The following TET2 variants were observed in gnomAD, a reference collection of about 807,000 sequenced individuals.
The protein encoded by TET2 is methylcytosine dioxygenase TET2.
TET2 carries 299 observed loss-of-function variants against 142.9 expected under a neutral mutation model. The ratio of observed to expected loss-of-function variants is 2.09; its 90% CI spans 1.90 to 2.30. TET2 has a LOEUF of 2.30. TET2 is among the 30% of genes most tolerant of loss of function. TET2 has a pLI of 0.00. For synonymous variants in TET2, 819 were observed against 849.0 expected, an observed-to-expected ratio of 0.96 and a Z score of 0.61; for missense variants, 2,418 against 2,378.0, an observed-to-expected ratio of 1.02 and a Z score of -0.35.
chr4:105,185,028 T>C (rs1452094673), intron 1 of TET2, among the ~76,000 whole-genome samples: 6 of 152,214 alleles, frequency 3.9e-5, no homozygotes, highest in Non-Finnish European at 8.8e-5. Context: ...CGGAAGTGTT[T>C]GATGATGTTT....
intron 2 of TET2, among the ~76,000 whole-genome samples, chr4:105,209,078 T>TATATATATAC: frequency 8.2e-6 from 1 of 122,008 alleles, no homozygotes; most frequent in African/African-American, 2.8e-5. Flanking sequence ...TATATATATA[T>TATATATATAC]ATATATATAT....
chr4:105,205,816 T>C (rs1726785197), intron 2 of TET2, among the ~76,000 whole-genome samples: 1 of 152,024 alleles, frequency 6.6e-6, no homozygotes, highest in Non-Finnish European at 1.5e-5. Flanking sequence ...CTATTTTTAG[T>C]AGAGACGGAG....
At chr4:105,186,827 T>C (rs933254756) in intron 1 of TET2, among the ~76,000 whole-genome samples, 11 of 152,190 alleles carry the variant, frequency 7.2e-5, no homozygotes, top group African/African-American at 2.4e-4. Flanking sequence ...TATATAAGCC[T>C]GTGAGTCATC....
Position 105,257,361 on chromosome 4 carries a change from T to G in TET2, c.3804-2258T>G, listed in dbSNP as rs187975676. Reference sequence around the variant, plus strand: ...AGAATATGTTACTGTTTCTGGTGGTTGTTGTTTATTTCTTTTTAACTACTC... The same window carrying G: ...AGAATATGTTACTGTTTCTGGTGGTGGTTGTTTATTTCTTTTTAACTACTC... On this transcript the variant is annotated intron_variant, in intron 6 of 10. Coordinates refer to ENST00000380013, the MANE Select transcript of TET2 (RefSeq NM_001127208.3). Among the ~76,000 whole-genome samples the G allele has an allele frequency of 3.9e-3, 586 of 152,150 alleles. 1 individual carries two copies. Among genetic ancestry groups the G allele is most frequent in the Non-Finnish European group, 6.9e-3 (471 of 67,996 alleles).
At chr4:105,151,860 A>G (rs1723314972) in intron 1 of TET2, among the ~76,000 whole-genome samples, 1 of 152,150 alleles carries the variant, frequency 6.6e-6, no homozygotes, top group South Asian at 2.1e-4. Flanking sequence ...GGATGACCTG[A>G]GGTCAGGAGT....
intron 2 of TET2, among the ~76,000 whole-genome samples, chr4:105,223,834 A>G (rs1000646701): frequency 2.6e-5 from 4 of 152,140 alleles, no homozygotes; most frequent in African/African-American, 9.7e-5. Flanking sequence ...TGACAGAGAG[A>G]TACACAGTGA....
rs564091213 is a variant in TET2, at chr4:105,146,938, T to A, written c.-234T>A. ...GGATTTGTTAGAAAGGAGACCCGAC[T>A]GCAACTGCTGGATTGCTGCAAGGCT... is the stretch of plus-strand genomic sequence containing the variant. On this transcript the variant is annotated 5_prime_UTR_variant, in exon 1 of 11. Coordinates refer to ENST00000380013, the MANE Select transcript of TET2 (RefSeq NM_001127208.3). The A allele has an allele frequency of 6.6e-6, 1 of 152,470 alleles. No homozygotes were observed. The highest frequency in any genetic ancestry group is 2.4e-5 in the African/African-American group (1 of 41,592). 9.4% of individuals were successfully genotyped at this position (152,470 alleles called of 1,614,324 possible). A position where few individuals can be genotyped will look rare whatever the true frequency, so the allele number is the denominator to read the frequency against.
At position 105,170,958 on chromosome 4, in the gene TET2, T is replaced by C. The variant is rs192899544; in HGVS notation, c.-192-19402T>C. Among the ~76,000 whole-genome samples the C allele has an allele frequency of 3.8e-3, 576 of 152,326 alleles. 4 individuals carry two copies. The highest frequency in any genetic ancestry group is 6.0e-3 in the Non-Finnish European group (409 of 68,020). ...GTGTGTCTACCAACTTCCTCCTCCTTCTACACTAGGAGAAATTGCACTGTT... is the reference window on the plus strand; with the variant it reads ...GTGTGTCTACCAACTTCCTCCTCCTCCTACACTAGGAGAAATTGCACTGTT... On this transcript the variant is annotated intron_variant, in intron 1 of 10. Transcript: ENST00000380013.
chr4:105,271,735 AAAAGTTAGTATTTAAAAACCAC>A (rs1560570877), intron 9 of TET2, among the ~76,000 whole-genome samples: 1 of 152,230 alleles, frequency 6.6e-6, no homozygotes, highest in Non-Finnish European at 1.5e-5. Context: ...CTAAATACTA[AAAAGTTAGTATTTAAAAACCAC>A]AAATAATCTT....
At chr4:105,243,088 T>C (rs1193877005) in intron 5 of TET2, among the ~76,000 whole-genome samples, 161 bp downstream of exon 5, 1 of 152,226 alleles carries the variant, frequency 6.6e-6, no homozygotes, top group Non-Finnish European at 1.5e-5. Flanking sequence ...AGAGGCAGAT[T>C]AGTTCTAAAA....
chr4:105,228,783 T>C (rs1202766769), intron 2 of TET2, among the ~76,000 whole-genome samples: 1 of 152,166 alleles, frequency 6.6e-6, no homozygotes, highest in East Asian at 1.9e-4. Flanking sequence ...TTTAGATTTA[T>C]GTCTATGCTC....
chr4:105,155,908 C>G (rs1723542408), intron 1 of TET2, among the ~76,000 whole-genome samples: 1 of 152,124 alleles, frequency 6.6e-6, no homozygotes. Context: ...TTTGACAAGC[C>G]CAAGATAGAT....
intron 1 of TET2, among the ~76,000 whole-genome samples, chr4:105,160,940 T>C (rs1005263532): frequency 6.6e-6 from 1 of 152,126 alleles, no homozygotes; most frequent in Non-Finnish European, 1.5e-5. Context: ...CACGCCCGGC[T>C]AATTTTTGTA....
chr4:105,245,665 C>G (rs1729550874), intron 6 of TET2, among the ~76,000 whole-genome samples: 1 of 152,054 alleles, frequency 6.6e-6, no homozygotes, highest in Non-Finnish European at 1.5e-5. Context: ...ACTCCTCTTG[C>G]TCTTTCTGAA....
At chr4:105,161,941 G>A (rs2110381170) in intron 1 of TET2, among the ~76,000 whole-genome samples, 1 of 152,292 alleles carries the variant, frequency 6.6e-6, no homozygotes, top group Admixed American at 6.5e-5. Flanking sequence ...TGGTGTGTAT[G>A]TGTTTTGAAC....
chr4:105,274,333 C>A (rs1039168589), intron 10 of TET2, among the ~76,000 whole-genome samples: 2 of 152,156 alleles, frequency 1.3e-5, no homozygotes, highest in African/African-American at 4.8e-5. Flanking sequence ...CTGAAAGTTT[C>A]TTTAAAGTGT....
chr4:105,149,122 T>C (rs1465798516), intron 1 of TET2, among the ~76,000 whole-genome samples: 1 of 152,238 alleles, frequency 6.6e-6, no homozygotes. Flanking sequence ...CTATGGTTAA[T>C]TATTCCAGCA....
At chr4:105,192,147 G>A (rs1354410704) in intron 2 of TET2, among the ~76,000 whole-genome samples, 2 of 151,652 alleles carry the variant, frequency 1.3e-5, no homozygotes, top group Non-Finnish European at 2.9e-5. Flanking sequence ...CTTCTTGAAC[G>A]TTAAGCCTGG....
intron 2 of TET2, among the ~76,000 whole-genome samples, chr4:105,218,893 A>G (rs1727649372): frequency 6.6e-6 from 1 of 151,942 alleles, no homozygotes; most frequent in Non-Finnish European, 1.5e-5. Flanking sequence ...CTATTTTGAT[A>G]ATCTAAAACA....
Sources: allele counts gnomAD v4.1 joint callset (sites outside exome capture counted in the v4.1 genomes callset), GRCh38; gene constraint gnomAD v4.1.1; transcripts MANE v1.5; gene names NCBI Gene and HGNC (gene_info 2026-07-23, HGNC 2026-07-21).